RCN3: variants seen among roughly 807,000 people sequenced by gnomAD.
RCN3 encodes the protein reticulocalbin 3.
Under a neutral mutation model 35.9 loss-of-function variants are expected in RCN3, and 41 were observed. The observed-to-expected ratio is 1.14, with a 90% CI of 0.89 to 1.48. The LOEUF is 1.48. Among genes scored for constraint, RCN3 ranks in the 40% most tolerant of loss-of-function variants. The pLI is 0.00. For synonymous variants in RCN3, 187 were observed against 193.4 expected (o/e 0.97, Z 0.27); for missense variants, 451 against 471.3 (o/e 0.96, Z 0.40).
Position 49,528,586 on chromosome 19 carries a change from C to T in RCN3, c.114C>T (p.Ala38=). ...GCCAGGGGAGGGTGCACCAGGCGGCCCCCCTGAGCGACGCTCCCCATGATG... is the reference window on the plus strand; with the variant it reads ...GCCAGGGGAGGGTGCACCAGGCGGCTCCCCTGAGCGACGCTCCCCATGATG... The part of the protein sequence containing the change: ...PHGQGRVHQA[A]PLSDAPHDDA... The change falls in exon 2 of 7, where the codon GCC becomes GCT. Residue 38 remains alanine (A), a synonymous_variant. Coordinates refer to ENST00000270645, the MANE Select transcript of RCN3 (RefSeq NM_020650.3). 2 of 1,609,400 alleles carry T rather than the reference C, an allele frequency of 1.2e-6. No individual in the cohort carries two copies. Among genetic ancestry groups the T allele is most frequent in the Non-Finnish European group, 1.7e-6 (2 of 1,178,066 alleles).
intron 2 of RCN3, among the ~76,000 whole-genome samples, chr19:49,533,890 C>T (rs1169139900): frequency 6.6e-6 from 1 of 152,066 alleles, no homozygotes; most frequent in Non-Finnish European, 1.5e-5. Context: ...AGGCCGAGGG[C>T]GGGGCCGGCG....
chr19:49,536,914 T>G, intron 3 of RCN3, 119 bp from the exon 4 acceptor site: 1 of 957,264 alleles, frequency 1.0e-6, no homozygotes, highest in Non-Finnish European at 1.5e-6. Context: ...CCTACTGATA[T>G]ATACTTATTA....
chr19:49,534,183 C>T lies in RCN3; in HGVS notation c.243-10C>T. ...ACCAGAGCCTGACGTGTGCCCGCCC[C>T]GGCTTCTAGGCGGATCGTGGACCGC... On this transcript the variant is annotated splice_polypyrimidine_tract_variant and intron_variant, in intron 2 of 6. Transcript: ENST00000270645. The T allele has an allele frequency of 2.0e-6, 3 of 1,482,210 alleles. No homozygotes were observed. Among genetic ancestry groups the T allele is most frequent in the East Asian group, 2.7e-5 (1 of 37,206 alleles). 91.8% of individuals were successfully genotyped at this position (1,482,210 alleles called of 1,614,324 possible).
intron 5 of RCN3, among the ~76,000 whole-genome samples, chr19:49,539,625 A>G (rs2080153574): frequency 6.6e-6 from 1 of 151,760 alleles, no homozygotes; most frequent in African/African-American, 2.4e-5. Context: ...GATCCTCACA[A>G]TACCCCCTGA....
intron 4 of RCN3, 135 bp from the exon 5 acceptor site, chr19:49,538,984 T>A: frequency 1.7e-6 from 1 of 581,532 alleles, no homozygotes; most frequent in Non-Finnish European, 3.0e-6. Context: ...CTGTTGAGAC[T>A]GCTCTACTGC....
chr19:49,541,484 C>T (rs113886122), intron 5 of RCN3, among the ~76,000 whole-genome samples: 1 of 151,998 alleles, frequency 6.6e-6, no homozygotes, highest in African/African-American at 2.4e-5. Context: ...TGCCATGGCT[C>T]ACGCCTGTAT....
At chr19:49,540,617 T>A (rs1245581230) in intron 5 of RCN3, among the ~76,000 whole-genome samples, 1 of 144,324 alleles carries the variant, frequency 6.9e-6, no homozygotes. Context: ...CGAAACTCCA[T>A]CTTAAAAAAA....
At chr19:49,537,337 C>G in intron 4 of RCN3, 132 bp downstream of exon 4, 1 of 917,674 alleles carries the variant, frequency 1.1e-6, no homozygotes. Context: ...CCGGGGAAGC[C>G]AGGCCGCAAA....
At chr19:49,534,130 C>CT (rs1329972484) in intron 2 of RCN3, 63 bp from the exon 3 acceptor site, 1 of 1,400,528 alleles carries the variant, frequency 7.1e-7, no homozygotes, top group Non-Finnish European at 9.3e-7. Flanking sequence ...GGGCGTGGCC[C>CT]GTGCGAGGGG....
chr19:49,535,283 T>TG (rs1200177785), intron 3 of RCN3, among the ~76,000 whole-genome samples: 9 of 152,120 alleles, frequency 5.9e-5, no homozygotes, highest in South Asian at 2.1e-4. Flanking sequence ...CGTCCCCTCC[T>TG]CTCAGTCAAG....
Position 49,543,396 on chromosome 19 carries a change from G to A in RCN3, c.*183G>A, listed in dbSNP as rs909994892. ...TGTCCCTGTCACACCCCCAACCCCA[G>A]GGAGGGGCTGTCATAGTCCCAGAGG... On this transcript the variant is annotated 3_prime_UTR_variant, in exon 7 of 7. Coordinates refer to ENST00000270645, the MANE Select transcript of RCN3 (RefSeq NM_020650.3). 1.1e-5 allele frequency: 7 copies of A among 613,364 alleles called. No individual in the cohort carries two copies. In the African/African-American group the frequency reaches 1.3e-4, roughly 11 times the overall value. The allele number at this position is 613,364 out of a possible 1,614,324, so 38.0% of individuals were successfully genotyped here. A position where few individuals can be genotyped will look rare whatever the true frequency, so the allele number is the denominator to read the frequency against.
At chr19:49,531,413 G>C (rs1289098259) in intron 2 of RCN3, among the ~76,000 whole-genome samples, 3 of 152,192 alleles carry the variant, frequency 2.0e-5, no homozygotes, top group Non-Finnish European at 4.4e-5. Flanking sequence ...ATGCAAAGGG[G>C]GTCAGATCAT....
chr19:49,532,668 C>T (rs566750696), intron 2 of RCN3, among the ~76,000 whole-genome samples: 131 of 148,154 alleles, frequency 8.8e-4, no homozygotes, highest in African/African-American at 3.3e-3. Flanking sequence ...GCCACCGTGC[C>T]CGGCCTATTA....
intron 2 of RCN3, among the ~76,000 whole-genome samples, chr19:49,532,211 T>C (rs1306122219): frequency 7.0e-6 from 1 of 142,734 alleles, no homozygotes; most frequent in African/African-American, 2.6e-5. Context: ...GTTCACGCCA[T>C]TCTCCTGCCT....
At chr19:49,536,291 T>TC (rs2080134911) in intron 3 of RCN3, among the ~76,000 whole-genome samples, 1 of 130,420 alleles carries the variant, frequency 7.7e-6, no homozygotes, top group African/African-American at 2.9e-5. Flanking sequence ...CGGCCTACTT[T>TC]TTTTTTTTTT....
rs1190758141 is a variant in RCN3, at chr19:49,543,323, AG to A, written c.*112del. On this transcript the variant is annotated 3_prime_UTR_variant, in exon 7 of 7. Transcript: ENST00000270645. ...CCCCGCAGGAGGCAGATGCAGTCCC[AG>A]GCATCCTCCTGCCCCTGGGCTCTCA... 1.0e-5 allele frequency: 9 copies of A among 878,970 alleles called. No homozygotes were observed. In the East Asian group the frequency reaches 2.4e-4, roughly 23 times the overall value. 54.4% of individuals were successfully genotyped at this position (878,970 alleles called of 1,614,324 possible). A position where few individuals can be genotyped will look rare whatever the true frequency, so the allele number is the denominator to read the frequency against.
At chr19:49,533,480 G>A (rs2080118616) in intron 2 of RCN3, among the ~76,000 whole-genome samples, 1 of 152,148 alleles carries the variant, frequency 6.6e-6, no homozygotes, top group Non-Finnish European at 1.5e-5. Context: ...CCAAGAGAAG[G>A]GGAGAGATGG....
At chr19:49,532,972 G>C (rs1601209461) in intron 2 of RCN3, among the ~76,000 whole-genome samples, 1 of 152,218 alleles carries the variant, frequency 6.6e-6, no homozygotes, top group African/African-American at 2.4e-5. Context: ...CACCGCGCCT[G>C]TCCTGTCCTA....
At chr19:49,542,483 G>C (rs949042707) in intron 5 of RCN3, 70 bp from the exon 6 acceptor site, 36 of 1,150,630 alleles carry the variant, frequency 3.1e-5, no homozygotes, top group Non-Finnish European at 4.0e-5. Context: ...ATCAGAGCCA[G>C]GATCAGCCCC....
Sources: allele counts gnomAD v4.1 joint callset (sites outside exome capture counted in the v4.1 genomes callset), GRCh38; gene constraint gnomAD v4.1.1; transcripts MANE v1.5; gene names NCBI Gene and HGNC (gene_info 2026-07-23, HGNC 2026-07-21).